FAM135A: variants seen among roughly 807,000 people sequenced by gnomAD.
FAM135A encodes protein FAM135A.
A neutral mutation model predicts 146.8 loss-of-function variants in FAM135A; 79 were observed. That is an observed-to-expected ratio of 0.54 (90% CI 0.45 to 0.65). FAM135A has a LOEUF of 0.65. Ranked by LOEUF, FAM135A falls within the 30% of genes least tolerant of loss-of-function variation. FAM135A has a pLI of 0.00. For missense variants in FAM135A, 1,623 were observed against 1,758.2 expected (o/e 0.92, Z 1.38); for synonymous variants, 562 against 603.6 (o/e 0.93, Z 1.01).
At chr6:70,426,285 A>C (rs182493506) in intron 2 of FAM135A, among the ~76,000 whole-genome samples, 154 bp from the exon 3 acceptor site, 278 of 152,324 alleles carry the variant, frequency 1.8e-3, no homozygotes, top group Non-Finnish European at 3.0e-3. Flanking sequence ...TTGTGAATGA[A>C]AAAAGTCTCT....
chr6:70,551,679 G>T (rs1799857951), intron 20 of FAM135A, among the ~76,000 whole-genome samples: 1 of 152,100 alleles, frequency 6.6e-6, no homozygotes. Context: ...GCCATTGTGG[G>T]GTTATTGATC....
chr6:70,466,896 G>C (rs1242732869), intron 5 of FAM135A, among the ~76,000 whole-genome samples: 2 of 152,114 alleles, frequency 1.3e-5, no homozygotes, highest in Non-Finnish European at 2.9e-5. Context: ...ATCTTTTATG[G>C]CACACAAATC....
At chr6:70,494,771 C>G (rs1209557296) in intron 11 of FAM135A, among the ~76,000 whole-genome samples, 1 of 151,948 alleles carries the variant, frequency 6.6e-6, no homozygotes, top group Non-Finnish European at 1.5e-5. Context: ...TTAATAAGTA[C>G]TAGGAATCTA....
chr6:70,424,421 T>G (rs1193441689), intron 2 of FAM135A, among the ~76,000 whole-genome samples: 1 of 152,268 alleles, frequency 6.6e-6, no homozygotes, highest in Non-Finnish European at 1.5e-5. Flanking sequence ...ATGTGGTTCT[T>G]AAGCCTGCCT....
At chr6:70,537,260 T>C (rs1232026452) in intron 19 of FAM135A, among the ~76,000 whole-genome samples, 1 of 152,162 alleles carries the variant, frequency 6.6e-6, no homozygotes, top group Non-Finnish European at 1.5e-5. Context: ...TTGGCTTGGT[T>C]TTTCCCTTAG....
Position 70,525,421 on chromosome 6 carries a change from T to C in FAM135A, c.2337T>C (p.Phe779=). The C allele has an allele frequency of 6.2e-7, 1 of 1,613,758 alleles. No homozygotes were observed. The highest frequency in any genetic ancestry group is 2.2e-5 in the East Asian group (1 of 44,864). The change falls in exon 15 of 22, where the codon TTT becomes TTC. Residue 779 remains phenylalanine, a synonymous_variant. Transcript: ENST00000418814. ...DSGVESEPSS[F]ATHPNTDLVF... ...GTGTTGAAAGTGAACCGAGTTCTTT[T>C]GCGACACATCCAAACACTGATTTAG...
chr6:70,416,326 A>C (rs957534658), intron 2 of FAM135A, among the ~76,000 whole-genome samples: 1 of 152,232 alleles, frequency 6.6e-6, no homozygotes, highest in African/African-American at 2.4e-5. Flanking sequence ...TTGACACTGA[A>C]AGGAAATGTA....
chr6:70,492,312 C>T (rs73482583), intron 11 of FAM135A, among the ~76,000 whole-genome samples: 7,023 of 151,622 alleles, frequency 0.046, 359 homozygotes, highest in African/African-American at 0.11. Context: ...AACGTCATGC[C>T]ATGCTATAGC....
intron 20 of FAM135A, among the ~76,000 whole-genome samples, chr6:70,546,850 C>T (rs1281787630): frequency 6.6e-6 from 1 of 152,118 alleles, no homozygotes; most frequent in Admixed American, 6.5e-5. Context: ...ATACAAGCAT[C>T]TCAGCATTGG....
intron 5 of FAM135A, among the ~76,000 whole-genome samples, chr6:70,458,471 T>C (rs1778800430): frequency 1.3e-5 from 2 of 152,216 alleles, no homozygotes; most frequent in Admixed American, 6.5e-5. Context: ...AAAGTGGCTC[T>C]GAACAAATTG....
intron 5 of FAM135A, among the ~76,000 whole-genome samples, chr6:70,462,653 A>G (rs527632913): frequency 2.6e-4 from 39 of 151,798 alleles, no homozygotes; most frequent in Non-Finnish European, 1.5e-5. Flanking sequence ...AGCTATTGGT[A>G]TTTGACCAGG....
intron 11 of FAM135A, among the ~76,000 whole-genome samples, chr6:70,498,050 T>G (rs917602615): frequency 6.6e-6 from 1 of 152,244 alleles, no homozygotes; most frequent in African/African-American, 2.4e-5. Context: ...GAAGGAATGG[T>G]ACTAGCCCCT....
At chr6:70,493,791 G>A (rs966694331) in intron 11 of FAM135A, among the ~76,000 whole-genome samples, 47 of 152,248 alleles carry the variant, frequency 3.1e-4, no homozygotes, top group African/African-American at 1.1e-3. Context: ...GGTGGCTCAC[G>A]CCTGTAATCC....
intron 5 of FAM135A, among the ~76,000 whole-genome samples, chr6:70,453,359 C>A (rs555638143): frequency 1.1e-4 from 16 of 152,186 alleles, no homozygotes; most frequent in African/African-American, 3.4e-4. Flanking sequence ...GTTTAGGATT[C>A]TCTTTTTATC....
intron 3 of FAM135A, among the ~76,000 whole-genome samples, chr6:70,427,326 G>C (rs1770402429): frequency 6.6e-6 from 1 of 152,114 alleles, no homozygotes; most frequent in Non-Finnish European, 1.5e-5. Context: ...GAGGCCAGGA[G>C]TTCAAGACCA....
intron 11 of FAM135A, among the ~76,000 whole-genome samples, chr6:70,495,253 T>C (rs1442283907): frequency 6.6e-6 from 1 of 152,204 alleles, no homozygotes; most frequent in Non-Finnish European, 1.5e-5. Flanking sequence ...GTAAACACTT[T>C]CCATAAATTC....
chr6:70,522,905 G>A (rs1260329881), intron 13 of FAM135A, among the ~76,000 whole-genome samples: 1 of 151,900 alleles, frequency 6.6e-6, no homozygotes, highest in Admixed American at 6.6e-5. Context: ...ATTTTCACAG[G>A]CCAGAATTTC....
intron 4 of FAM135A, among the ~76,000 whole-genome samples, chr6:70,431,854 T>C (rs1031481408): frequency 2.0e-5 from 3 of 152,142 alleles, no homozygotes; most frequent in Non-Finnish European, 4.4e-5. Flanking sequence ...CATTACTGTT[T>C]ATAAAATAGT....
At chr6:70,495,971 C>T (rs1176014119) in intron 11 of FAM135A, among the ~76,000 whole-genome samples, 1 of 152,116 alleles carries the variant, frequency 6.6e-6, no homozygotes, top group Non-Finnish European at 1.5e-5. Flanking sequence ...ATGAACTTGT[C>T]CTTTTTTATG....
Sources: gnomAD v4.1 joint callset for allele counts (sites outside exome capture counted in the v4.1 genomes callset) on GRCh38, gnomAD v4.1.1 for gene constraint, MANE v1.5 for transcripts, NCBI Gene and HGNC (gene_info 2026-07-23, HGNC 2026-07-21) for gene names.